The following HOMER2 variants were observed in gnomAD, a reference collection of about 807,000 sequenced individuals.
The protein encoded by HOMER2 is homer protein homolog 2.
Under a neutral mutation model 47.0 loss-of-function variants are expected in HOMER2, and 27 were observed. That is an observed-to-expected ratio of 0.57 (90% CI 0.42 to 0.79). The LOEUF is 0.79. Among genes scored for constraint, HOMER2 ranks in the 30% least tolerant of loss-of-function variants. The pLI, the probability that HOMER2 is intolerant of heterozygous loss-of-function variation, is 0.00. For synonymous variants in HOMER2, 161 were observed against 163.8 expected (o/e 0.98, Z 0.13); for missense variants, 443 against 435.0 (o/e 1.02, Z -0.16).
intron 1 of HOMER2, among the ~76,000 whole-genome samples, chr15:82,924,790 C>T (rs2053817276): frequency 6.6e-6 from 1 of 152,138 alleles, no homozygotes; most frequent in Admixed American, 6.6e-5. Flanking sequence ...AAATCGGCAT[C>T]TATACTTTGT....
At position 82,841,967 on chromosome 15, in the gene HOMER2, T is replaced by C. The variant is rs1467810448; in HGVS notation, c.*5307A>G. The C allele has an allele frequency of 3.3e-5, 5 of 152,348 alleles. No individual in the cohort carries two copies. In the East Asian group the frequency reaches 9.6e-4, roughly 29 times the overall value. 9.4% of individuals were successfully genotyped at this position (152,348 alleles called of 1,614,324 possible). ...ACTGATGAATATGCTGTTGACTTTT[T>C]CTGGGGGAAAGGGATTTTAATTATG... On this transcript the variant is annotated 3_prime_UTR_variant, in exon 2 of 2. Transcript: ENST00000558090.
downstream of HOMER2, chr15:82,835,132 T>TG (rs1460557904): frequency 5.8e-5 from 5 of 86,252 alleles, no homozygotes; most frequent in Non-Finnish European, 1.1e-4. Flanking sequence ...TCAGTTTTTT[T>TG]GTTTTTTTTT....
At chr15:82,850,762 G>A (rs533274262) in intron 8 of HOMER2, among the ~76,000 whole-genome samples, 2 of 152,214 alleles carry the variant, frequency 1.3e-5, no homozygotes, top group African/African-American at 2.4e-5. Flanking sequence ...TCTGAGGATA[G>A]GGAGGAAGGC....
intron 2 of HOMER2, among the ~76,000 whole-genome samples, chr15:82,876,740 T>C (rs2052360525): frequency 1.3e-5 from 2 of 152,216 alleles, no homozygotes; most frequent in South Asian, 4.1e-4. Flanking sequence ...AACACTTTCC[T>C]TGTAACTGAT....
At chr15:82,895,559 C>T (rs1014793774) in intron 1 of HOMER2, among the ~76,000 whole-genome samples, 11 of 152,160 alleles carry the variant, frequency 7.2e-5, no homozygotes, top group Non-Finnish European at 1.3e-4. Flanking sequence ...CTCCTACATA[C>T]GTGAAAGGAA....
intron 1 of HOMER2, among the ~76,000 whole-genome samples, chr15:82,973,389 G>A (rs1418211922): frequency 7.2e-5 from 11 of 152,192 alleles, no homozygotes; most frequent in Admixed American, 7.2e-4. Context: ...AGCCTGGATT[G>A]TAAGAGAGGG....
intron 1 of HOMER2, among the ~76,000 whole-genome samples, chr15:82,927,022 C>G (rs577158367): frequency 6.6e-6 from 1 of 152,166 alleles, no homozygotes; most frequent in Non-Finnish European, 1.5e-5. Context: ...TTAATGAGGG[C>G]TCTACTCCTA....
At chr15:82,957,319 A>C (rs973060894), upstream of HOMER2, among the ~76,000 whole-genome samples, 2 of 151,998 alleles carry the variant, frequency 1.3e-5, no homozygotes, top group African/African-American at 2.4e-5. Context: ...TCATATCTGT[A>C]AAGTGCTTAG....
intron 1 of HOMER2, among the ~76,000 whole-genome samples, chr15:82,934,374 T>C (rs1212740693): frequency 2.6e-5 from 4 of 151,900 alleles, no homozygotes; most frequent in Non-Finnish European, 5.9e-5. Context: ...CCTCAGCCTC[T>C]TCCACTCCAA....
exon 2 of HOMER2, chr15:82,840,271 A>G (rs547843089): frequency 1.2e-4 from 19 of 152,296 alleles, no homozygotes; most frequent in Admixed American, 9.2e-4. Context: ...ATGAAATAGT[A>G]AAACAGTAAA....
chr15:82,927,413 T>A (rs1248036695), intron 1 of HOMER2, among the ~76,000 whole-genome samples: 1 of 152,210 alleles, frequency 6.6e-6, no homozygotes, highest in Non-Finnish European at 1.5e-5. Context: ...GGAATTACTT[T>A]TGTAATAATT....
chr15:82,935,037 G>A (rs2054111751), intron 1 of HOMER2, among the ~76,000 whole-genome samples: 1 of 151,858 alleles, frequency 6.6e-6, no homozygotes, highest in African/African-American at 2.4e-5. Flanking sequence ...CTGGGGCTCT[G>A]AACCACAGCC....
intron 1 of HOMER2, among the ~76,000 whole-genome samples, chr15:82,967,678 A>G (rs1382273115): frequency 6.6e-6 from 1 of 152,194 alleles, no homozygotes; most frequent in Non-Finnish European, 1.5e-5. Flanking sequence ...GTTCGAGACC[A>G]GCCTGGCCAA....
chr15:82,954,575 C>T (rs2054568431), upstream of HOMER2, among the ~76,000 whole-genome samples: 1 of 151,960 alleles, frequency 6.6e-6, no homozygotes, highest in Non-Finnish European at 1.5e-5. Flanking sequence ...AGGCATGAGC[C>T]ACCGTGCCTG....
intron 1 of HOMER2, among the ~76,000 whole-genome samples, chr15:82,901,757 C>A (rs2053125369): frequency 6.6e-6 from 1 of 152,198 alleles, no homozygotes; most frequent in Non-Finnish European, 1.5e-5. Context: ...CTCTGTGGAG[C>A]TATTTTCTCT....
At chr15:82,945,384 T>G (rs2151226804) in intron 1 of HOMER2, among the ~76,000 whole-genome samples, 1 of 152,296 alleles carries the variant, frequency 6.6e-6, no homozygotes, top group South Asian at 2.1e-4. Context: ...TCAAGATATT[T>G]TAAGTTGGAA....
chr15:82,867,211 G>GA (rs946015977), intron 3 of HOMER2, among the ~76,000 whole-genome samples: 7 of 151,344 alleles, frequency 4.6e-5, no homozygotes, highest in Non-Finnish European at 1.0e-4. Flanking sequence ...TGCTTCTGAA[G>GA]AAAAAAAAAT....
chr15:82,912,439 AT>A (rs2053477893), intron 1 of HOMER2, among the ~76,000 whole-genome samples: 1 of 152,186 alleles, frequency 6.6e-6, no homozygotes, highest in African/African-American at 2.4e-5. Context: ...TTATGGCTGT[AT>A]TATAGCCCAC....
chr15:82,873,081 C>T (rs922255371), intron 3 of HOMER2, among the ~76,000 whole-genome samples: 7 of 152,174 alleles, frequency 4.6e-5, no homozygotes, highest in African/African-American at 1.4e-4. Flanking sequence ...GACACACTGG[C>T]CATGGTGCCA....
Sources: allele counts gnomAD v4.1 joint callset (sites outside exome capture counted in the v4.1 genomes callset), GRCh38; gene constraint gnomAD v4.1.1; transcripts MANE v1.5; gene names NCBI Gene and HGNC (gene_info 2026-07-23, HGNC 2026-07-21).